The following CDH8 variants were observed in gnomAD, a reference collection of about 807,000 sequenced individuals.
CDH8 encodes cadherin 8, also known as cadherin-8.
A neutral mutation model predicts 68.1 loss-of-function variants in CDH8; 17 were observed. That is an observed-to-expected ratio of 0.25 (90% CI 0.17 to 0.37). The LOEUF (loss-of-function observed/expected upper bound fraction) is 0.37. CDH8 is among the 10% of genes least tolerant of loss of function. The pLI is 1.00. For missense variants in CDH8, 763 were observed against 999.3 expected, an observed-to-expected ratio of 0.76 and a Z score of 3.19; for synonymous variants, 372 against 365.1, an observed-to-expected ratio of 1.02 and a Z score of -0.21.
intron 3 of CDH8, among the ~76,000 whole-genome samples, chr16:61,861,381 T>C (rs1254817232): frequency 9.2e-5 from 14 of 152,186 alleles, no homozygotes; most frequent in Admixed American, 7.9e-4. Flanking sequence ...TCATGCAAAC[T>C]GTTTCCTGTT....
chr16:61,891,045 CTACATTTGTTAGCA>C (rs536657067), intron 3 of CDH8, among the ~76,000 whole-genome samples: 88 of 151,878 alleles, frequency 5.8e-4, no homozygotes, highest in Non-Finnish European at 1.0e-3. Context: ...CTATGCTATT[CTACATTTGTTAGCA>C]TAGCTTTATA....
intron 3 of CDH8, among the ~76,000 whole-genome samples, chr16:61,873,414 A>T (rs1342602615): frequency 6.6e-6 from 1 of 152,142 alleles, no homozygotes; most frequent in Admixed American, 6.6e-5. Flanking sequence ...CAACATAAGG[A>T]TTCCCAGGCC....
At chr16:61,964,066 C>T (rs938379789) in intron 2 of CDH8, among the ~76,000 whole-genome samples, 49 of 152,150 alleles carry the variant, frequency 3.2e-4, no homozygotes, top group African/African-American at 1.2e-3. Context: ...AGCCAAACAA[C>T]TTACAATAAA....
chr16:61,864,941 G>T (rs933699409), intron 3 of CDH8, among the ~76,000 whole-genome samples: 5 of 152,146 alleles, frequency 3.3e-5, no homozygotes, highest in Admixed American at 6.5e-5. Context: ...GGCAGAGGCA[G>T]CATGTGCTTG....
rs538928242 is a variant in CDH8 at position 61,898,299 on chromosome 16, C to CA, written c.547+2879dup. On this transcript the variant is annotated intron_variant, in intron 3 of 11. Coordinates refer to ENST00000577390, the MANE Select transcript of CDH8 (RefSeq NM_001796.5). The stretch of plus-strand genomic sequence containing the variant: ...TGGGAAACAAAATAAGACTCTGTCT[C>CA]AAAAAAAAAAGAAGTAGTAATTTTG... Among the ~76,000 whole-genome samples, 567 of 137,068 alleles carry CA rather than the reference C, an allele frequency of 4.1e-3. 2 individuals carry two copies. The highest frequency in any genetic ancestry group is 0.011 in the Middle Eastern group (3 of 276). 89.9% of individuals were successfully genotyped at this position (137,068 alleles called of 152,430 possible).
intron 8 of CDH8, among the ~76,000 whole-genome samples, chr16:61,745,715 C>G (rs1960004993): frequency 6.6e-6 from 1 of 151,284 alleles, no homozygotes; most frequent in African/African-American, 2.4e-5. Context: ...TTTTTATAGG[C>G]TCCATGTCTT....
intron 8 of CDH8, among the ~76,000 whole-genome samples, chr16:61,740,806 G>A (rs1033705919): frequency 4.0e-5 from 6 of 151,854 alleles, no homozygotes; most frequent in Non-Finnish European, 5.9e-5. Context: ...GGGCATTTGG[G>A]TTCTTTCAGT....
intron 7 of CDH8, among the ~76,000 whole-genome samples, chr16:61,793,936 T>A (rs895943670): frequency 1.3e-5 from 2 of 152,042 alleles, no homozygotes; most frequent in Admixed American, 1.3e-4. Context: ...GCATTTTGTA[T>A]AGAAGCCCAA....
At chr16:61,738,715 C>T (rs776143999) in intron 8 of CDH8, among the ~76,000 whole-genome samples, 2 of 152,024 alleles carry the variant, frequency 1.3e-5, no homozygotes, top group Non-Finnish European at 2.9e-5. Flanking sequence ...ATAATGCGTC[C>T]TACTTTTAAT....
intron 3 of CDH8, among the ~76,000 whole-genome samples, chr16:61,867,495 A>G (rs1388834719): frequency 1.3e-5 from 2 of 152,162 alleles, no homozygotes; most frequent in Non-Finnish European, 2.9e-5. Context: ...AGTTTTTGGT[A>G]TGAGGGGACT....
intron 2 of CDH8, among the ~76,000 whole-genome samples, chr16:61,969,856 T>G (rs1008145564): frequency 1.3e-5 from 2 of 152,184 alleles, no homozygotes; most frequent in Non-Finnish European, 2.9e-5. Context: ...GAGATAGGTG[T>G]GTGACTCAAA....
intron 8 of CDH8, among the ~76,000 whole-genome samples, chr16:61,767,197 GA>G (rs1390619710): frequency 1.3e-5 from 2 of 151,960 alleles, no homozygotes; most frequent in Non-Finnish European, 2.9e-5. Context: ...CTACAAAAGT[GA>G]TGGTGATTTT....
chr16:61,858,689 T>A (rs1963095247), intron 3 of CDH8, among the ~76,000 whole-genome samples: 1 of 152,102 alleles, frequency 6.6e-6, no homozygotes, highest in Non-Finnish European at 1.5e-5. Flanking sequence ...AGGACAAAAC[T>A]GGACAGAAGC....
At chr16:61,782,727 T>C (rs537966544) in intron 8 of CDH8, among the ~76,000 whole-genome samples, 183 of 151,952 alleles carry the variant, frequency 1.2e-3, no homozygotes, top group South Asian at 5.2e-3. Context: ...TCTCCCAGCA[T>C]GCAGCTGGAG....
intron 2 of CDH8, among the ~76,000 whole-genome samples, chr16:61,921,259 A>C (rs891766974): frequency 1.3e-5 from 2 of 148,250 alleles, no homozygotes; most frequent in African/African-American, 4.9e-5. Flanking sequence ...TATAATAATA[A>C]TAATAATAAT....
intron 1 of CDH8, among the ~76,000 whole-genome samples, chr16:62,027,285 T>A (rs932949979): frequency 2.0e-5 from 3 of 152,246 alleles, no homozygotes; most frequent in African/African-American, 4.8e-5. Flanking sequence ...TTCACTCTGC[T>A]GATTCCAACA....
At chr16:61,862,669 C>A (rs938857749) in intron 3 of CDH8, among the ~76,000 whole-genome samples, 7 of 152,060 alleles carry the variant, frequency 4.6e-5, no homozygotes, top group Admixed American at 1.3e-4. Flanking sequence ...AGTGATTGCC[C>A]ATGGGGGAAA....
intron 10 of CDH8, among the ~76,000 whole-genome samples, chr16:61,676,616 A>G (rs2142790370): frequency 6.6e-6 from 1 of 152,220 alleles, no homozygotes; most frequent in South Asian, 2.1e-4. Context: ...TTCCTCAACC[A>G]ATTAAAGGTC....
chr16:61,891,172 C>G (rs1005789470), intron 3 of CDH8, among the ~76,000 whole-genome samples: 7 of 151,944 alleles, frequency 4.6e-5, no homozygotes, highest in Non-Finnish European at 7.4e-5. Flanking sequence ...ATCCCAAAAA[C>G]AGTTGGCAGC....
Sources: gnomAD v4.1 joint callset for allele counts (sites outside exome capture counted in the v4.1 genomes callset) on GRCh38, gnomAD v4.1.1 for gene constraint, MANE v1.5 for transcripts, NCBI Gene and HGNC (gene_info 2026-07-23, HGNC 2026-07-21) for gene names.